The following AGBL1 variants were observed in gnomAD, a reference collection of about 807,000 sequenced individuals.
The protein encoded by AGBL1 is AGBL carboxypeptidase 1.
In AGBL1, 130 loss-of-function variants were observed where a neutral mutation model predicts 118.9. The ratio of observed to expected loss-of-function variants is 1.09; its 90% CI spans 0.95 to 1.26. The LOEUF (loss-of-function observed/expected upper bound fraction) is 1.26, where lower values mean the gene tolerates loss of function less well. Ranked by LOEUF, AGBL1 falls within the 50% of genes most tolerant of loss-of-function variation. AGBL1 has a pLI of 0.00. For missense variants in AGBL1, 1,584 were observed against 1,298.1 expected, an observed-to-expected ratio of 1.22 and a Z score of -3.38; for synonymous variants, 555 against 478.9, an observed-to-expected ratio of 1.16 and a Z score of -2.08.
rs148836185 is a variant in AGBL1 at position 86,803,485 on chromosome 15, C to A, written c.3159-103602C>A. 2.2e-3 allele frequency among the ~76,000 whole-genome samples: 339 copies of A among 152,240 alleles called. 2 individuals carry two copies. Among genetic ancestry groups the A allele is most frequent in the African/African-American group, 7.7e-3 (318 of 41,560 alleles). ...TTCTTTATAGCAGTGTGAAAACAGACTAGTACAAACACTAATATGTATATC... is the reference window on the plus strand; with the variant it reads ...TTCTTTATAGCAGTGTGAAAACAGAATAGTACAAACACTAATATGTATATC... On this transcript the variant is annotated intron_variant, in intron 22 of 22. Coordinates refer to ENST00000614907, the MANE Select transcript of AGBL1 (RefSeq NM_001386094.1).
intron 22 of AGBL1, among the ~76,000 whole-genome samples, chr15:86,824,615 C>G (rs994445635): frequency 1.3e-5 from 2 of 151,642 alleles, no homozygotes; most frequent in Non-Finnish European, 2.9e-5. Context: ...GATACATATC[C>G]TAGAGTAGCT....
intron 22 of AGBL1, among the ~76,000 whole-genome samples, chr15:86,833,885 T>C (rs2079138917): frequency 6.6e-6 from 1 of 152,180 alleles, no homozygotes; most frequent in Non-Finnish European, 1.5e-5. Context: ...ATTTCTATTT[T>C]GTTTTTCACC....
intron 5 of AGBL1, among the ~76,000 whole-genome samples, chr15:86,174,814 G>A (rs983859072): frequency 2.0e-5 from 3 of 152,024 alleles, no homozygotes; most frequent in Non-Finnish European, 1.5e-5. Flanking sequence ...ATTTGTATAT[G>A]TTGAACCATC....
At chr15:86,259,535 G>A (rs770140897) in intron 9 of AGBL1, among the ~76,000 whole-genome samples, 1 of 152,010 alleles carries the variant, frequency 6.6e-6, no homozygotes, top group East Asian at 1.9e-4. Flanking sequence ...TGAGTTCTCT[G>A]TCATGATAAT....
chr15:86,229,907 G>A (rs186718798), intron 6 of AGBL1, among the ~76,000 whole-genome samples: 171 of 152,262 alleles, frequency 1.1e-3, no homozygotes, highest in Non-Finnish European at 2.1e-3. Context: ...ACTTAATAAG[G>A]GAATGATAAG....
chr15:86,810,760 A>G (rs1357639852), intron 22 of AGBL1, among the ~76,000 whole-genome samples: 3 of 152,074 alleles, frequency 2.0e-5, no homozygotes, highest in Non-Finnish European at 4.4e-5. Context: ...CTTAAATTTC[A>G]GCTTTTGTCT....
At chr15:86,594,561 G>T (rs1271931497) in intron 21 of AGBL1, among the ~76,000 whole-genome samples, 3 of 152,096 alleles carry the variant, frequency 2.0e-5, no homozygotes, top group African/African-American at 7.2e-5. Context: ...TTTTTATAAT[G>T]ATATAAGGCT....
chr15:86,894,188 C>T (rs1198361014), intron 22 of AGBL1, among the ~76,000 whole-genome samples: 1 of 152,146 alleles, frequency 6.6e-6, no homozygotes, highest in Non-Finnish European at 1.5e-5. Context: ...AATATTAAGG[C>T]CCACTCTATC....
chr15:86,194,471 C>G (rs1002485220), intron 5 of AGBL1, among the ~76,000 whole-genome samples: 5 of 152,176 alleles, frequency 3.3e-5, no homozygotes, highest in Non-Finnish European at 5.9e-5. Context: ...ATTTTCCAAT[C>G]CAGAATGCTG....
At chr15:86,840,732 A>T (rs1025744237) in intron 22 of AGBL1, among the ~76,000 whole-genome samples, 12 of 151,688 alleles carry the variant, frequency 7.9e-5, no homozygotes, top group Admixed American at 7.9e-4. Flanking sequence ...GAGCCACCAC[A>T]CCCGTCGCAA....
intron 16 of AGBL1, among the ~76,000 whole-genome samples, chr15:86,286,185 AAAT>A (rs2079443604): frequency 6.6e-6 from 1 of 151,710 alleles, no homozygotes; most frequent in African/African-American, 2.4e-5. Context: ...TTTAATTGAC[AAAT>A]AATACTTGCT....
chr15:86,629,526 T>C (rs760222323), intron 21 of AGBL1, among the ~76,000 whole-genome samples: 13 of 152,170 alleles, frequency 8.5e-5, no homozygotes, highest in Non-Finnish European at 1.6e-4. Flanking sequence ...ACATTCAGAA[T>C]AAGAATAAAA....
At chr15:86,724,175 G>A (rs12901740) in intron 22 of AGBL1, among the ~76,000 whole-genome samples, 1 of 148,992 alleles carries the variant, frequency 6.7e-6, no homozygotes, top group Non-Finnish European at 1.5e-5. Context: ...GGCCGAGCTT[G>A]CAGTGAGCTG....
chr15:86,943,607 G>C lies in AGBL1; in HGVS notation c.3222-44380G>C, dbSNP rs191626372. 2.0e-3 allele frequency among the ~76,000 whole-genome samples: 299 copies of C among 152,280 alleles called. 1 individual carries two copies. Among genetic ancestry groups the C allele is most frequent in the Admixed American group, 4.6e-3 (70 of 15,298 alleles). On this transcript the variant is annotated intron_variant, in intron 23 of 24. Transcript: ENST00000441037. ...CACCCTAATCTTTTGTTATGCAGATGGGTTCTCTACCCGGCCGGCACCATG... is the reference window on the plus strand; with the variant it reads ...CACCCTAATCTTTTGTTATGCAGATCGGTTCTCTACCCGGCCGGCACCATG...
chr15:86,963,095 C>A (rs915419828), intron 23 of AGBL1, among the ~76,000 whole-genome samples: 1 of 152,038 alleles, frequency 6.6e-6, no homozygotes, highest in Non-Finnish European at 1.5e-5. Flanking sequence ...AGTTTGAATT[C>A]ATATATATCA....
At chr15:86,096,964 A>C (rs1896416531) in intron 1 of AGBL1, among the ~76,000 whole-genome samples, 2 of 152,128 alleles carry the variant, frequency 1.3e-5, no homozygotes, top group African/African-American at 4.8e-5. Flanking sequence ...AGGCATTAAT[A>C]GGAGGGACCT....
chr15:86,733,978 T>G (rs939825779), intron 22 of AGBL1, among the ~76,000 whole-genome samples: 1 of 152,202 alleles, frequency 6.6e-6, no homozygotes, highest in Non-Finnish European at 1.5e-5. Context: ...TCTAGGTCTA[T>G]GACATCTCCA....
intron 23 of AGBL1, among the ~76,000 whole-genome samples, chr15:86,930,744 C>T (rs1244720723): frequency 6.6e-6 from 1 of 152,114 alleles, no homozygotes; most frequent in South Asian, 2.1e-4. Context: ...TCAGGGATCC[C>T]TCTTAGGGGC....
intron 17 of AGBL1, among the ~76,000 whole-genome samples, chr15:86,355,168 T>C (rs764951870): frequency 7.0e-4 from 106 of 152,234 alleles, no homozygotes; most frequent in Non-Finnish European, 5.9e-4. Flanking sequence ...ATGGGTATTG[T>C]CTGAAGTCTT....
Sources: gnomAD v4.1 joint callset for allele counts (sites outside exome capture counted in the v4.1 genomes callset) on GRCh38, gnomAD v4.1.1 for gene constraint, MANE v1.5 for transcripts, NCBI Gene and HGNC (gene_info 2026-07-23, HGNC 2026-07-21) for gene names.